The following PLCB1 variants were observed in gnomAD, a reference collection of about 807,000 sequenced individuals.
PLCB1 encodes the protein 1-phosphatidylinositol 4,5-bisphosphate phosphodiesterase beta-1.
In PLCB1, 46 loss-of-function variants were observed where a neutral mutation model predicts 161.8. The observed-to-expected ratio is 0.28, with a 90% confidence interval of 0.22 to 0.36. The LOEUF (loss-of-function observed/expected upper bound fraction) is 0.36. PLCB1 is among the 10% of genes least tolerant of loss of function. The pLI is 1.00. For synonymous variants in PLCB1, 517 were observed against 503.7 expected (o/e 1.03, Z -0.35); for missense variants, 1,016 against 1,472.5 (o/e 0.69, Z 5.07).
intron 3 of PLCB1, among the ~76,000 whole-genome samples, chr20:8,546,840 T>G (rs1417278038): frequency 5.3e-5 from 8 of 152,200 alleles, no homozygotes; most frequent in African/African-American, 1.9e-4. Flanking sequence ...GAGTTTTTTT[T>G]AATATCATAA....
chr20:8,289,550 A>C (rs982407005), intron 2 of PLCB1, among the ~76,000 whole-genome samples: 28 of 152,208 alleles, frequency 1.8e-4, no homozygotes, highest in African/African-American at 6.3e-4. Context: ...TGTGCTCAAA[A>C]TGACACAGCT....
At chr20:8,355,065 A>T (rs1986319465) in intron 2 of PLCB1, among the ~76,000 whole-genome samples, 1 of 152,194 alleles carries the variant, frequency 6.6e-6, no homozygotes, top group Admixed American at 6.5e-5. Context: ...TGTACAACTC[A>T]TTAGCTATGT....
At chr20:8,628,148 A>G in intron 3 of PLCB1, 146 bp from the exon 4 acceptor site, 1 of 649,436 alleles carries the variant, frequency 1.5e-6, no homozygotes, top group Non-Finnish European at 2.7e-6. Context: ...CATTTGTGGA[A>G]TGGGAGCCTT....
chr20:8,876,663 T>C (rs1987790967), intron 31 of PLCB1, among the ~76,000 whole-genome samples: 1 of 152,242 alleles, frequency 6.6e-6, no homozygotes, highest in Admixed American at 6.5e-5. Flanking sequence ...CAGGCTCACC[T>C]GATCTCAGTA....
At chr20:8,536,365 C>T (rs1238324742) in intron 3 of PLCB1, among the ~76,000 whole-genome samples, 1 of 152,160 alleles carries the variant, frequency 6.6e-6, no homozygotes, top group Non-Finnish European at 1.5e-5. Context: ...ATCTTTCCGG[C>T]TTTGTAGTTC....
chr20:8,404,635 T>C (rs1978707879), intron 3 of PLCB1, among the ~76,000 whole-genome samples: 1 of 152,226 alleles, frequency 6.6e-6, no homozygotes, highest in South Asian at 2.1e-4. Flanking sequence ...CAAAATGATA[T>C]GGTGGTGAGG....
At chr20:8,525,422 C>G (rs1984544898) in intron 3 of PLCB1, among the ~76,000 whole-genome samples, 1 of 152,216 alleles carries the variant, frequency 6.6e-6, no homozygotes, top group African/African-American at 2.4e-5. Flanking sequence ...TGGCAATATT[C>G]TAGTTAATTT....
At chr20:8,622,609 A>C (rs1306501907) in intron 3 of PLCB1, among the ~76,000 whole-genome samples, 4 of 152,186 alleles carry the variant, frequency 2.6e-5, no homozygotes, top group African/African-American at 9.6e-5. Context: ...TTCTGTCTCC[A>C]AATGGCACTA....
intron 31 of PLCB1, among the ~76,000 whole-genome samples, chr20:8,863,410 T>G (rs1987321790): frequency 6.6e-6 from 1 of 152,254 alleles, no homozygotes; most frequent in Admixed American, 6.5e-5. Context: ...GAGAATCACC[T>G]GCAAGCCTTC....
At chr20:8,457,735 C>CACACAT (rs2122673475) in intron 3 of PLCB1, among the ~76,000 whole-genome samples, 1 of 152,024 alleles carries the variant, frequency 6.6e-6, no homozygotes, top group South Asian at 2.1e-4. Context: ...CACACACACA[C>CACACAT]ACACACACAC....
intron 3 of PLCB1, among the ~76,000 whole-genome samples, chr20:8,539,693 T>TTTTC (rs1568499570): frequency 9.9e-6 from 1 of 101,096 alleles, no homozygotes; most frequent in African/African-American, 3.5e-5. Flanking sequence ...TCTTTTTCTT[T>TTTTC]TTCCTTCCTT....
At chr20:8,224,744 C>T (rs1465249676) in intron 2 of PLCB1, among the ~76,000 whole-genome samples, 1 of 151,734 alleles carries the variant, frequency 6.6e-6, no homozygotes. Flanking sequence ...ATTTCTGGCA[C>T]CATCCCCCCG....
intron 2 of PLCB1, among the ~76,000 whole-genome samples, chr20:8,278,169 C>G (rs954501546): frequency 6.9e-5 from 10 of 144,666 alleles, no homozygotes. Flanking sequence ...TGGTTAAACT[C>G]TTCAAGTACA....
At chr20:8,263,526 G>A (rs933316616) in intron 2 of PLCB1, among the ~76,000 whole-genome samples, 14 of 152,032 alleles carry the variant, frequency 9.2e-5, no homozygotes, top group African/African-American at 3.4e-4. Flanking sequence ...ATAATCATGT[G>A]TCACTTAATG....
intron 2 of PLCB1, among the ~76,000 whole-genome samples, chr20:8,165,568 A>G (rs1176082925): frequency 6.6e-6 from 1 of 152,118 alleles, no homozygotes; most frequent in Non-Finnish European, 1.5e-5. Flanking sequence ...TTCCTTTCCC[A>G]GTGGATGATG....
At chr20:8,857,426 A>G (rs910319018) in intron 31 of PLCB1, among the ~76,000 whole-genome samples, 7 of 152,208 alleles carry the variant, frequency 4.6e-5, no homozygotes, top group Admixed American at 2.6e-4. Context: ...ATTCTATTCC[A>G]TGAATGTATC....
chr20:8,739,144 C>G (rs908194601), intron 20 of PLCB1, 117 bp from the exon 21 acceptor site: 3 of 722,166 alleles, frequency 4.2e-6, no homozygotes, highest in Non-Finnish European at 7.5e-6. Flanking sequence ...CAGCAAGACT[C>G]TATCTCAAAA....
chr20:8,424,684 T>C (rs1184329525), intron 3 of PLCB1, among the ~76,000 whole-genome samples: 4 of 152,178 alleles, frequency 2.6e-5, no homozygotes, highest in Non-Finnish European at 5.9e-5. Context: ...GCAAATACTA[T>C]GTGTTTAGCA....
chr20:8,628,546 A>G, intron 4 of PLCB1, 115 bp downstream of exon 4: 1 of 1,062,364 alleles, frequency 9.4e-7, no homozygotes, highest in Admixed American at 2.3e-5. Context: ...TTAAAATTTC[A>G]CCTAAAAATA....
Sources: allele counts gnomAD v4.1 joint callset (sites outside exome capture counted in the v4.1 genomes callset), GRCh38; gene constraint gnomAD v4.1.1; transcripts MANE v1.5; gene names NCBI Gene and HGNC (gene_info 2026-07-23, HGNC 2026-07-21).